The following CELF6 variants were observed in gnomAD, a reference collection of about 807,000 sequenced individuals.
CELF6 encodes the protein Bruno -like 6, RNA binding protein.
Under a neutral mutation model 53.1 loss-of-function variants are expected in CELF6, and 32 were observed. The ratio of observed to expected loss-of-function variants is 0.60; its 90% CI spans 0.46 to 0.81. The LOEUF (loss-of-function observed/expected upper bound fraction) is 0.81. Among genes scored for constraint, CELF6 ranks in the 30% least tolerant of loss-of-function variants. The probability of loss-of-function intolerance (pLI) is 0.00; values close to 1 mark genes in which losing one functional copy is unlikely to be tolerated. For missense variants in CELF6, 539 were observed against 669.5 expected, an observed-to-expected ratio of 0.81 and a Z score of 2.15; for synonymous variants, 291 against 288.8, an observed-to-expected ratio of 1.01 and a Z score of -0.08.
Position 72,288,622 on chromosome 15 carries a change from G to A in CELF6, c.1094-4C>T, listed in dbSNP as rs2087953288. 1 of 1,556,430 alleles carries A rather than the reference G, an allele frequency of 6.4e-7. No individual in the cohort carries two copies. Among genetic ancestry groups the A allele is most frequent in the Non-Finnish European group, 8.7e-7 (1 of 1,151,196 alleles). On this transcript the variant is annotated splice_polypyrimidine_tract_variant and splice_region_variant and intron_variant, in intron 9 of 12. Transcript: ENST00000287202. The surrounding 1 kb of genome is among the most constrained non-coding windows in gnomAD (Gnocchi z 4.6). ...GCATAGGCCGACGGATAGGCTGCTGGAGACAGAGGTGGGAGTGGACAGTGA... is the reference window on the plus strand; with the variant it reads ...GCATAGGCCGACGGATAGGCTGCTGAAGACAGAGGTGGGAGTGGACAGTGA...
At chr15:72,318,245 C>T (rs372948939) in intron 1 of CELF6, among the ~76,000 whole-genome samples, 2 of 152,164 alleles carry the variant, frequency 1.3e-5, no homozygotes, top group East Asian at 1.9e-4. Flanking sequence ...AAGCTGTACT[C>T]CTAGCCAGAT....
chr15:72,306,483 G>A (rs952189505), intron 2 of CELF6, among the ~76,000 whole-genome samples: 3 of 144,908 alleles, frequency 2.1e-5, no homozygotes, highest in Admixed American at 1.4e-4. Flanking sequence ...CCATGGTAAC[G>A]CCCTGGCAGT....
At chr15:72,311,604 G>C (rs1024585000) in intron 2 of CELF6, among the ~76,000 whole-genome samples, 1 of 150,740 alleles carries the variant, frequency 6.6e-6, no homozygotes, top group African/African-American at 2.4e-5. Flanking sequence ...GGGTTTCACT[G>C]TGTTAGCCAG....
chr15:72,301,981 C>T (rs910036333), intron 3 of CELF6, among the ~76,000 whole-genome samples: 8 of 152,072 alleles, frequency 5.3e-5, no homozygotes, highest in Non-Finnish European at 8.8e-5. Flanking sequence ...GTGATCCGCC[C>T]GCCTCGGCCT....
chr15:72,312,342 C>G (rs972445405), intron 2 of CELF6, among the ~76,000 whole-genome samples: 1 of 151,964 alleles, frequency 6.6e-6, no homozygotes, highest in Non-Finnish European at 1.5e-5. Context: ...CCATGAAATT[C>G]TTGGCCAGGA....
intron 3 of CELF6, among the ~76,000 whole-genome samples, chr15:72,293,695 CTT>C (rs34917839): frequency 4.3e-3 from 556 of 128,648 alleles, no homozygotes; most frequent in Non-Finnish European, 4.5e-3. Context: ...CTATCAAATG[CTT>C]TTTTTTTTTT....
chr15:72,304,869 G>T, intron 2 of CELF6, 75 bp from the exon 3 acceptor site: 2 of 1,357,528 alleles, frequency 1.5e-6, no homozygotes, highest in South Asian at 1.2e-5. Flanking sequence ...TCGAACCCTG[G>T]ACTCCTCAGG....
Position 72,288,362 on chromosome 15 carries a change from C to G in CELF6, c.1264G>C (p.Val422Leu). ...TCCACAAAGACTTTAGCAGAGACAACGGCTCCAAAGGGCAGGAATGTCTGT... is the reference window on the plus strand; with the variant it reads ...TCCACAAAGACTTTAGCAGAGACAAGGGCTCCAAAGGGCAGGAATGTCTGT... ...LIQTFLPFGAVVSAKVFVDRA... is the reference protein window; with the variant it reads ...LIQTFLPFGALVSAKVFVDRA... The change falls in exon 11 of 13, where the codon GTT becomes CTT. Residue 422 changes from valine to leucine, a missense_variant. This residue lies in a region of CELF6 where 358 missense variants were observed against 412.8 expected (regional missense o/e 0.87). Transcript: ENST00000287202. The surrounding 1 kb of genome is among the most constrained non-coding windows in gnomAD (Gnocchi z 4.6). 6.2e-7 allele frequency: 1 copy of G among 1,614,160 alleles called. No homozygotes were observed. Among genetic ancestry groups the G allele is most frequent in the Non-Finnish European group, 8.5e-7 (1 of 1,180,014 alleles).
rs2140310714 is a variant in CELF6, at chr15:72,320,000, C to A, written c.-126G>T. On this transcript the variant is annotated 5_prime_UTR_variant, in exon 1 of 13. Coordinates refer to ENST00000287202, the MANE Select transcript of CELF6 (RefSeq NM_052840.5). The surrounding 1 kb of genome is among the most constrained non-coding windows in gnomAD (Gnocchi z 5.0). Reference sequence around the variant, plus strand: ...CCGGGCGGAGAGGGCGGGGGGCTGCCCAGGGGGCGGGGTCCGGGTGGAGGG... The same window carrying A: ...CCGGGCGGAGAGGGCGGGGGGCTGCACAGGGGGCGGGGTCCGGGTGGAGGG... 2 of 938,732 alleles carry A rather than the reference C, an allele frequency of 2.1e-6. No homozygotes were observed. The highest frequency in any genetic ancestry group is 1.2e-4 in the East Asian group (2 of 16,794). The allele number at this position is 938,732 out of a possible 1,614,324, so 58.2% of individuals were successfully genotyped here. A position where few individuals can be genotyped will look rare whatever the true frequency, so the allele number is the denominator to read the frequency against.
intron 2 of CELF6, among the ~76,000 whole-genome samples, chr15:72,315,033 C>T (rs938888051): frequency 1.6e-4 from 25 of 152,226 alleles, no homozygotes; most frequent in African/African-American, 1.2e-4. Context: ...ACTTCATCCT[C>T]GTCTCTTTCT....
chr15:72,296,466 C>G (rs755045413), intron 3 of CELF6, among the ~76,000 whole-genome samples: 27 of 152,140 alleles, frequency 1.8e-4, no homozygotes, highest in Non-Finnish European at 4.0e-4. Context: ...AAAGACACAA[C>G]TCACAGAATG....
intron 3 of CELF6, among the ~76,000 whole-genome samples, chr15:72,304,112 C>A (rs535208250): frequency 1.0e-3 from 152 of 152,240 alleles, no homozygotes; most frequent in Non-Finnish European, 1.9e-3. Context: ...CTCAAATGAT[C>A]CACCCACCTC....
chr15:72,306,353 C>A, intron 2 of CELF6: 2 of 952,324 alleles, frequency 2.1e-6, no homozygotes, highest in Non-Finnish European at 2.5e-6. Flanking sequence ...CTGACCCCCT[C>A]CCCTCAGGAA....
chr15:72,316,928 T>C (rs2088371045), intron 1 of CELF6, among the ~76,000 whole-genome samples: 1 of 152,170 alleles, frequency 6.6e-6, no homozygotes, highest in African/African-American at 2.4e-5. Context: ...TTGAGTAATG[T>C]CTCAAAGAAG....
At chr15:72,316,672 G>T (rs1350899587) in intron 1 of CELF6, among the ~76,000 whole-genome samples, 1 of 152,172 alleles carries the variant, frequency 6.6e-6, no homozygotes, top group Non-Finnish European at 1.5e-5. Flanking sequence ...GAGCCAAAGG[G>T]TCAAGTTTAG....
At position 72,289,433 on chromosome 15, in the gene CELF6, G is replaced by A; in HGVS notation, c.822C>T (p.Ala274=). 3 of 1,547,490 alleles carry A rather than the reference G, an allele frequency of 1.9e-6. No homozygotes were observed. Among genetic ancestry groups the A allele is most frequent in the Non-Finnish European group, 2.6e-6 (3 of 1,154,082 alleles). ...PGLGPVAAVA[A]QMQHVAAFSL... is the part of the protein sequence containing the mutation. ...TAAAGGCCGCCACGTGTTGCATCTGGGCCGCCACTGCCGCCACCGGGCCTA... is the reference window on the plus strand; with the variant it reads ...TAAAGGCCGCCACGTGTTGCATCTGAGCCGCCACTGCCGCCACCGGGCCTA... Residue 274 remains alanine (A), a synonymous_variant, in exon 7 of 13, where the codon GCC becomes GCT. Transcript: ENST00000287202. This position sits in a 1 kb window ranked among gnomAD's most constrained non-coding sequence, Gnocchi z 7.6.
chr15:72,319,776 G>T lies in CELF6; in HGVS notation c.99C>A (p.Asn33Lys). 2 of 1,578,032 alleles carry T rather than the reference G, an allele frequency of 1.3e-6. No homozygotes were observed. Among genetic ancestry groups the T allele is most frequent in the South Asian group, 1.2e-5 (1 of 86,696 alleles). ...CCTTCATGGGTACGGCGGGACCGGG[G>T]TTTAGCCCGCTCATGCCGACGCCGC... ...ADSGVGMSGL[N>K]PGPAVPMKDH... Residue 33 changes from asparagine to lysine, a missense_variant, in exon 1 of 13, where the codon AAC becomes AAA. By Grantham distance (94) the Asn-to-Lys change is moderately conservative. Around this residue, in one of 3 missense-constraint regions of CELF6, gnomAD observed 84 missense variants for 87.9 expected, o/e 0.96. Coordinates refer to ENST00000287202, the MANE Select transcript of CELF6 (RefSeq NM_052840.5). The surrounding 1 kb of genome is among the most constrained non-coding windows in gnomAD (Gnocchi z 5.0).
chr15:72,292,342 C>T (rs1327007466), intron 3 of CELF6: 20 of 1,013,008 alleles, frequency 2.0e-5, no homozygotes, highest in Middle Eastern at 2.2e-4. Flanking sequence ...AGAATGGGCT[C>T]ATTTGGCCAG....
chr15:72,312,948 T>C (rs543916766), intron 2 of CELF6, among the ~76,000 whole-genome samples: 93 of 152,342 alleles, frequency 6.1e-4, no homozygotes, highest in Non-Finnish European at 1.2e-3. Flanking sequence ...AACACAGCCA[T>C]TGATTTTCAT....
Sources: gnomAD v4.1 joint callset for allele counts (sites outside exome capture counted in the v4.1 genomes callset) on GRCh38, gnomAD v4.1.1 for gene constraint, gnomAD v4.1.1 regional missense constraint, Gnocchi (gnomAD v3.1) non-coding constraint, MANE v1.5 for transcripts, NCBI Gene and HGNC (gene_info 2026-07-23, HGNC 2026-07-21) for gene names.